The following ZNF292 variants were observed in gnomAD, a reference collection of about 807,000 sequenced individuals.
ZNF292 encodes 16 zinc-finger domain protein.
ZNF292 carries 26 observed loss-of-function variants against 217.9 expected under a neutral mutation model. The observed-to-expected ratio is 0.12, with a 90% confidence interval of 0.09 to 0.17. ZNF292 has a LOEUF of 0.17. Ranked by LOEUF, ZNF292 falls within the 10% of genes least tolerant of loss-of-function variation. ZNF292 has a pLI of 1.00. For missense variants in ZNF292, 2,904 were observed against 3,175.2 expected (o/e 0.91, Z 2.05); for synonymous variants, 1,257 against 1,124.1 (o/e 1.12, Z -2.37).
At chr6:87,169,752 T>G in intron 1 of ZNF292, 1 of 429,582 alleles carries the variant, frequency 2.3e-6, no homozygotes, top group Non-Finnish European at 4.7e-6. Context: ...GCTCAAGTGA[T>G]CCTCCCACCT....
chr6:87,186,894 G>A (rs1998766), intron 1 of ZNF292, among the ~76,000 whole-genome samples: 32,694 of 152,076 alleles, frequency 0.21, 4,766 homozygotes, highest in African/African-American at 0.42. Flanking sequence ...CTCTGAACGC[G>A]TGAACTAAAA....
At position 87,161,779 on chromosome 6, in the gene ZNF292, G is replaced by T. The variant is rs1582363557; in HGVS notation, c.168+6020G>T. Among the ~76,000 whole-genome samples, 3 of 152,280 alleles carry T rather than the reference G, an allele frequency of 2.0e-5. No homozygotes were observed. In the East Asian group the frequency reaches 5.8e-4, roughly 29 times the overall value. On this transcript the variant is annotated intron_variant, in intron 1 of 7. Transcript: ENST00000369577. Reference sequence around the variant, plus strand: ...AATTGAAAATGTACTAATTGAAATGGTTTTTTAAAATTCACCCTGAGAAAG... The same window carrying T: ...AATTGAAAATGTACTAATTGAAATGTTTTTTTAAAATTCACCCTGAGAAAG...
At chr6:87,159,827 C>G (rs1417947219) in intron 1 of ZNF292, among the ~76,000 whole-genome samples, 1 of 152,190 alleles carries the variant, frequency 6.6e-6, no homozygotes, top group Non-Finnish European at 1.5e-5. Flanking sequence ...CACCACCATG[C>G]CCAGCTCTTA....
chr6:87,210,124 A>G (rs914058634), intron 1 of ZNF292, among the ~76,000 whole-genome samples: 4 of 152,316 alleles, frequency 2.6e-5, no homozygotes, highest in South Asian at 2.1e-4. Context: ...AAGTTAATCT[A>G]TACTCTTTCT....
intron 1 of ZNF292, among the ~76,000 whole-genome samples, chr6:87,180,632 C>T (rs1399364032): frequency 6.6e-6 from 1 of 152,090 alleles, no homozygotes; most frequent in East Asian, 1.9e-4. Context: ...ATGAGATTCT[C>T]AATGTCCCAA....
chr6:87,236,138 C>G (rs1272073118), intron 5 of ZNF292, among the ~76,000 whole-genome samples: 1 of 152,182 alleles, frequency 6.6e-6, no homozygotes, highest in East Asian at 1.9e-4. Flanking sequence ...TCTCACTTGC[C>G]CACCCTACTC....
At chr6:87,179,921 T>C (rs952436204) in intron 1 of ZNF292, among the ~76,000 whole-genome samples, 5 of 152,378 alleles carry the variant, frequency 3.3e-5, no homozygotes, top group African/African-American at 1.2e-4. Context: ...ATTTCTAGTT[T>C]ATTGCTTCTG....
rs991763550 is a variant in ZNF292, at chr6:87,256,711, T to C, written c.3082T>C (p.Leu1028=). The C allele has an allele frequency of 3.7e-5, 60 of 1,612,824 alleles. No individual in the cohort carries two copies. Among genetic ancestry groups the C allele is most frequent in the Middle Eastern group, 1.6e-4 (1 of 6,084 alleles). ...PQNLERQVNN[L]MTFSVQNQAA... ...AAACTTAGAAAGACAAGTGAACAAC[T>C]TGATGACCTTTTCTGTGCAAAATCA... Residue 1028 remains leucine, a synonymous_variant, in exon 8 of 8, where the codon TTG becomes CTG. Coordinates refer to ENST00000369577, the MANE Select transcript of ZNF292 (RefSeq NM_015021.3).
intron 1 of ZNF292, among the ~76,000 whole-genome samples, chr6:87,194,058 T>C (rs913470313): frequency 1.3e-5 from 2 of 152,140 alleles, no homozygotes; most frequent in East Asian, 3.9e-4. Flanking sequence ...GCTCATCCTT[T>C]AGGTGGATAA....
chr6:87,203,060 A>G lies in ZNF292; in HGVS notation c.169-12843A>G, dbSNP rs548195265. On this transcript the variant is annotated intron_variant, in intron 1 of 7. Transcript: ENST00000369577. Reference sequence around the variant, plus strand: ...TAGGGGACTACTGCATATCTTTTTAATGGTTTTGAGGTAATCATATAATTT... The same window carrying G: ...TAGGGGACTACTGCATATCTTTTTAGTGGTTTTGAGGTAATCATATAATTT... 6.6e-5 allele frequency among the ~76,000 whole-genome samples: 10 copies of G among 151,794 alleles called. No individual in the cohort carries two copies. In the South Asian group the frequency reaches 2.1e-3, roughly 32 times the overall value.
rs896207720 is a variant in ZNF292, at chr6:87,263,507, T to C, written c.*1706T>C. On this transcript the variant is annotated 3_prime_UTR_variant, in exon 8 of 8. Transcript: ENST00000369577. ...AGTGAACTATTTTCTTTTGGAAATT[T>C]CTTTTTAATTTTTATTATTAAAGTA... 1 of 152,034 alleles carries C rather than the reference T, an allele frequency of 6.6e-6. No homozygotes were observed. The highest frequency in any genetic ancestry group is 2.4e-5 in the African/African-American group (1 of 41,430). The allele number at this position is 152,034 out of a possible 1,614,324, so 9.4% of individuals were successfully genotyped here.
chr6:87,240,665 C>A (rs971824748), intron 5 of ZNF292, among the ~76,000 whole-genome samples: 1 of 152,174 alleles, frequency 6.6e-6, no homozygotes, highest in Non-Finnish European at 1.5e-5. Flanking sequence ...ACGTGATCCA[C>A]CCCATTGGCT....
Position 87,258,431 on chromosome 6 carries a change from G to C in ZNF292, c.4802G>C (p.Ser1601Thr). Reference sequence around the variant, plus strand: ...GGTGGGCCATCACAAAATTTTACCAGTAACAGTTCTCGTGTTTCTGTTATA... The same window carrying C: ...GGTGGGCCATCACAAAATTTTACCACTAACAGTTCTCGTGTTTCTGTTATA... ...NSGGPSQNFT[S>T]NSSRVSVISG... Residue 1601 changes from serine (S) to threonine (T), a missense_variant, in exon 8 of 8, where the codon AGT becomes ACT. By Grantham distance (58) the Ser-to-Thr change is moderately conservative. Coordinates refer to ENST00000369577, the MANE Select transcript of ZNF292 (RefSeq NM_015021.3). The C allele has an allele frequency of 6.2e-7, 1 of 1,613,590 alleles. No individual in the cohort carries two copies. Among genetic ancestry groups the C allele is most frequent in the Non-Finnish European group, 8.5e-7 (1 of 1,179,730 alleles).
At chr6:87,219,427 C>T (rs1319285574) in intron 4 of ZNF292, among the ~76,000 whole-genome samples, 2 of 152,088 alleles carry the variant, frequency 1.3e-5, no homozygotes, top group Non-Finnish European at 2.9e-5. Flanking sequence ...AATGGAAAAG[C>T]ATGTATTTAC....
chr6:87,209,868 A>G (rs546535372), intron 1 of ZNF292, among the ~76,000 whole-genome samples: 122 of 152,314 alleles, frequency 8.0e-4, no homozygotes, highest in African/African-American at 2.9e-3. Context: ...GTAATTTTTA[A>G]GAGAGTAAAG....
At chr6:87,155,886 G>C (rs1770512149) in intron 1 of ZNF292, 127 bp downstream of exon 1, 2 of 1,244,292 alleles carry the variant, frequency 1.6e-6, no homozygotes, top group South Asian at 1.6e-5. Context: ...CTGGGTGGGA[G>C]CGGGAGTAGA....
At chr6:87,205,422 C>T (rs1402087994) in intron 1 of ZNF292, among the ~76,000 whole-genome samples, 1 of 151,698 alleles carries the variant, frequency 6.6e-6, no homozygotes, top group Non-Finnish European at 1.5e-5. Context: ...ATTTTTTTTT[C>T]TTAACCTGGA....
intron 1 of ZNF292, among the ~76,000 whole-genome samples, chr6:87,165,958 A>G (rs1288880273): frequency 6.6e-6 from 1 of 152,054 alleles, no homozygotes; most frequent in Non-Finnish European, 1.5e-5. Flanking sequence ...AGGTTTCACC[A>G]TGTTGGCCAG....
intron 7 of ZNF292, among the ~76,000 whole-genome samples, chr6:87,251,797 A>G (rs767186776): frequency 4.4e-4 from 67 of 152,354 alleles, no homozygotes; most frequent in Non-Finnish European, 8.5e-4. Flanking sequence ...ATTGTAAAAT[A>G]TAGTTTCTTT....
Sources: gnomAD v4.1 joint callset for allele counts (sites outside exome capture counted in the v4.1 genomes callset) on GRCh38, gnomAD v4.1.1 for gene constraint, MANE v1.5 for transcripts, NCBI Gene and HGNC (gene_info 2026-07-23, HGNC 2026-07-21) for gene names.